STK32C: variants seen among roughly 807,000 people sequenced by gnomAD.
STK32C encodes the protein serine/threonine kinase 32C.
A neutral mutation model predicts 56.5 loss-of-function variants in STK32C; 31 were observed. The observed-to-expected ratio is 0.55, with a 90% CI of 0.41 to 0.74. The LOEUF (loss-of-function observed/expected upper bound fraction) is 0.74. STK32C is among the 30% of genes least tolerant of loss of function. The probability of loss-of-function intolerance (pLI) is 0.00; values close to 1 mark genes in which losing one functional copy is unlikely to be tolerated. For missense variants in STK32C, 544 were observed against 676.9 expected (o/e 0.80, Z 2.18); for synonymous variants, 309 against 289.4 (o/e 1.07, Z -0.69).
At chr10:132,220,208 A>C (rs559312168) in intron 10 of STK32C, among the ~76,000 whole-genome samples, 2 of 152,336 alleles carry the variant, frequency 1.3e-5, no homozygotes, top group African/African-American at 4.8e-5. Flanking sequence ...TTATGAGAAG[A>C]GGGGAGGAGA....
chr10:132,277,134 A>T (rs2065017430), intron 1 of STK32C, among the ~76,000 whole-genome samples: 1 of 152,256 alleles, frequency 6.6e-6, no homozygotes, highest in Non-Finnish European at 1.5e-5. Context: ...AGAAGAGCCG[A>T]GCAGGGCCAG....
At chr10:132,237,253 G>A (rs1006841063) in intron 2 of STK32C, among the ~76,000 whole-genome samples, 6 of 152,142 alleles carry the variant, frequency 3.9e-5, no homozygotes, top group East Asian at 1.9e-4. Context: ...CTCCACTGGC[G>A]TTTGCTCCTC....
chr10:132,256,886 T>C (rs2818398), intron 1 of STK32C, among the ~76,000 whole-genome samples: 49,665 of 151,808 alleles, frequency 0.33, 8,342 homozygotes, highest in Admixed American at 0.44. Context: ...GGGCTTGGGG[T>C]TCCTCCTGAG....
chr10:132,306,316 T>C (rs1005222063), intron 1 of STK32C, among the ~76,000 whole-genome samples: 2 of 152,260 alleles, frequency 1.3e-5, no homozygotes, highest in African/African-American at 4.8e-5. Context: ...CCTAGTTCAC[T>C]CTGGGCTTTC....
At chr10:132,258,849 G>T (rs1483875301) in intron 1 of STK32C, among the ~76,000 whole-genome samples, 1 of 152,268 alleles carries the variant, frequency 6.6e-6, no homozygotes. Flanking sequence ...AGGGCCTCCA[G>T]GGCATGGCCT....
At chr10:132,280,366 GCACTCCGTGATCACGACACTC>G (rs1409503269) in intron 1 of STK32C, among the ~76,000 whole-genome samples, 3 of 135,958 alleles carry the variant, frequency 2.2e-5, no homozygotes, top group Non-Finnish European at 4.7e-5. Context: ...CCATGCCCCT[GCACTCCGTGATCACGACACTC>G]CACCCCGTGA....
intron 1 of STK32C, among the ~76,000 whole-genome samples, chr10:132,266,830 G>C (rs79778482): frequency 0.041 from 6,213 of 152,018 alleles, 231 homozygotes; most frequent in African/African-American, 0.098. Flanking sequence ...TCCAAGGAGA[G>C]CATCACACAA....
Position 132,299,882 on chromosome 10 carries a change from G to C in STK32C, c.262+7690C>G, listed in dbSNP as rs1006556870. Among the ~76,000 whole-genome samples, 4 of 152,256 alleles carry C rather than the reference G, an allele frequency of 2.6e-5. No homozygotes were observed. The East Asian group carries it at 7.7e-4, about 29-fold the overall frequency. ...AACAGCTTTCCCACAGCGAACAGAGGCTCTGAGGTCAGACGTCACAAAGTG... is the reference window on the plus strand; with the variant it reads ...AACAGCTTTCCCACAGCGAACAGAGCCTCTGAGGTCAGACGTCACAAAGTG... On this transcript the variant is annotated intron_variant, in intron 1 of 11. Coordinates refer to ENST00000298630, the MANE Select transcript of STK32C (RefSeq NM_173575.4).
intron 1 of STK32C, among the ~76,000 whole-genome samples, chr10:132,265,746 GGC>G (rs200692484): frequency 0.016 from 2,410 of 152,318 alleles, 72 homozygotes; most frequent in African/African-American, 0.053. Context: ...AGCTCCCGAA[GGC>G]CAATGAGCAC....
chr10:132,305,450 A>AT (rs2066029811), intron 1 of STK32C, among the ~76,000 whole-genome samples: 1 of 152,186 alleles, frequency 6.6e-6, no homozygotes, highest in Non-Finnish European at 1.5e-5. Context: ...TAATCTAAAA[A>AT]ATTCATCGGA....
intron 10 of STK32C, among the ~76,000 whole-genome samples, chr10:132,221,143 C>T (rs191481414): frequency 8.6e-4 from 127 of 148,224 alleles, no homozygotes; most frequent in African/African-American, 2.9e-3. Flanking sequence ...TGGCCGTCCC[C>T]GCACACACAA....
rs973762420 is a variant in STK32C, at chr10:132,330,567, G to A, written c.301+869C>T. On this transcript the variant is annotated intron_variant, in intron 1 of 1. Transcript: ENST00000368619. Reference sequence around the variant, plus strand: ...CTGTCACCGAAGCTGACATTAAGTGGCACAATCATAACTCACTGCAGCCTC... The same window carrying A: ...CTGTCACCGAAGCTGACATTAAGTGACACAATCATAACTCACTGCAGCCTC... The A allele has an allele frequency of 9.7e-5, 69 of 711,950 alleles. 1 individual carries two copies. Among genetic ancestry groups the A allele is most frequent in the South Asian group, 8.2e-4 (55 of 67,388 alleles). The allele number at this position is 711,950 out of a possible 1,614,324, so 44.1% of individuals were successfully genotyped here.
chr10:132,289,788 A>T (rs909349365), intron 1 of STK32C, among the ~76,000 whole-genome samples: 2 of 152,212 alleles, frequency 1.3e-5, no homozygotes, highest in South Asian at 2.1e-4. Context: ...CTTATCACCT[A>T]AGTACCTCCC....
At chr10:132,243,462 G>A (rs1008322310) in intron 2 of STK32C, among the ~76,000 whole-genome samples, 4 of 152,120 alleles carry the variant, frequency 2.6e-5, no homozygotes, top group African/African-American at 9.7e-5. Flanking sequence ...CAGGCTGGAC[G>A]AATGTCCATG....
At chr10:132,217,877 A>AC (rs1329178718) in intron 10 of STK32C, among the ~76,000 whole-genome samples, 1 of 152,054 alleles carries the variant, frequency 6.6e-6, no homozygotes, top group Non-Finnish European at 1.5e-5. Flanking sequence ...TGTATAAATT[A>AC]CCCAGACTCA....
chr10:132,221,692 A>T (rs2062664226), intron 10 of STK32C, among the ~76,000 whole-genome samples: 1 of 142,868 alleles, frequency 7.0e-6, no homozygotes, highest in Non-Finnish European at 1.5e-5. Context: ...GTCCCCACAC[A>T]CACAACTGAT....
At chr10:132,237,917 C>A (rs924150076) in intron 2 of STK32C, among the ~76,000 whole-genome samples, 2 of 152,246 alleles carry the variant, frequency 1.3e-5, no homozygotes, top group Non-Finnish European at 2.9e-5. Flanking sequence ...CCTCCCAACG[C>A]TGGCCTGGTG....
chr10:132,247,449 C>G (rs553672715), intron 1 of STK32C, among the ~76,000 whole-genome samples: 3 of 152,178 alleles, frequency 2.0e-5, no homozygotes, highest in Non-Finnish European at 4.4e-5. Flanking sequence ...GGTGCCGTGA[C>G]AAGGACCCAC....
intron 2 of STK32C, among the ~76,000 whole-genome samples, chr10:132,244,095 G>A (rs1247384936): frequency 6.6e-6 from 1 of 152,142 alleles, no homozygotes; most frequent in African/African-American, 2.4e-5. Flanking sequence ...CTTGGCCAGT[G>A]AAAGAGCTGG....
Sources: allele counts gnomAD v4.1 joint callset (sites outside exome capture counted in the v4.1 genomes callset), GRCh38; gene constraint gnomAD v4.1.1; transcripts MANE v1.5; gene names NCBI Gene and HGNC (gene_info 2026-07-23, HGNC 2026-07-21).